DOCK1: variants seen among roughly 807,000 people sequenced by gnomAD.
DOCK1 encodes the protein dedicator of cytokinesis protein 1.
DOCK1 carries 138 observed loss-of-function variants against 262.7 expected under a neutral mutation model. The observed-to-expected ratio is 0.53, with a 90% confidence interval of 0.46 to 0.61. DOCK1 has a LOEUF of 0.61. DOCK1 is among the 20% of genes least tolerant of loss of function. The pLI is 0.00. For missense variants in DOCK1, 1,908 were observed against 2,370.7 expected (o/e 0.80, Z 4.05); for synonymous variants, 866 against 867.4 (o/e 1.00, Z 0.03).
At chr10:127,016,936 C>T (rs555629859) in intron 12 of DOCK1, among the ~76,000 whole-genome samples, 6,366 of 146,650 alleles carry the variant, frequency 0.043, 183 homozygotes, top group Middle Eastern at 0.079. Context: ...CACACACACA[C>T]ACACCACAGA....
At chr10:127,050,168 T>C (rs2044624146) in intron 21 of DOCK1, among the ~76,000 whole-genome samples, 1 of 151,696 alleles carries the variant, frequency 6.6e-6, no homozygotes, top group South Asian at 2.1e-4. Flanking sequence ...TTTGTAATTG[T>C]TTCTGTAGGA....
chr10:127,220,988 C>T (rs2058414709), intron 27 of DOCK1, among the ~76,000 whole-genome samples: 1 of 152,176 alleles, frequency 6.6e-6, no homozygotes, highest in South Asian at 2.1e-4. Flanking sequence ...ACTGTGCACT[C>T]ACCAGTTTAG....
At chr10:127,268,046 G>A (rs994740098) in intron 29 of DOCK1, among the ~76,000 whole-genome samples, 4 of 152,112 alleles carry the variant, frequency 2.6e-5, no homozygotes, top group Admixed American at 2.0e-4. Context: ...TCACAACTTG[G>A]GAAGAGAGGG....
At chr10:127,357,310 C>T (rs773028664) in intron 32 of DOCK1, among the ~76,000 whole-genome samples, 5 of 152,208 alleles carry the variant, frequency 3.3e-5, no homozygotes, top group Non-Finnish European at 5.9e-5. Context: ...AGATTGATCA[C>T]CACTGAAAGT....
intron 1 of DOCK1, among the ~76,000 whole-genome samples, chr10:126,934,462 A>G (rs1021037485): frequency 2.6e-5 from 4 of 152,218 alleles, no homozygotes; most frequent in African/African-American, 9.6e-5. Flanking sequence ...TCACTTTTTC[A>G]TAATCGTAAC....
intron 27 of DOCK1, among the ~76,000 whole-genome samples, chr10:127,197,525 AG>A (rs1440834816): frequency 6.6e-6 from 1 of 152,164 alleles, no homozygotes; most frequent in African/African-American, 2.4e-5. Context: ...ATTTGCTCCT[AG>A]AATGTAATGT....
At chr10:127,230,944 A>G (rs537583423) in intron 27 of DOCK1, among the ~76,000 whole-genome samples, 9 of 152,284 alleles carry the variant, frequency 5.9e-5, no homozygotes, top group African/African-American at 1.9e-4. Flanking sequence ...ATCCATGAAC[A>G]TAAGGTATCT....
At position 127,439,022 on chromosome 10, in the gene DOCK1, T is replaced by C. The variant is rs781413205; in HGVS notation, c.5061-5T>C. On this transcript the variant is annotated splice_polypyrimidine_tract_variant and splice_region_variant and intron_variant, in intron 48 of 51. Coordinates refer to ENST00000623213, the MANE Select transcript of DOCK1 (RefSeq NM_001290223.2). ...CTATTAAGACGTCATTGACCTTTCCTTTAGGTTTGCCCTGGAGCCTCTCCT... is the reference window on the plus strand; with the variant it reads ...CTATTAAGACGTCATTGACCTTTCCCTTAGGTTTGCCCTGGAGCCTCTCCT... 1.2e-4 allele frequency: 179 copies of C among 1,548,908 alleles called. No homozygotes were observed. Among genetic ancestry groups the C allele is most frequent in the Non-Finnish European group, 1.5e-4 (168 of 1,146,044 alleles).
chr10:127,382,244 C>T (rs1339448759), intron 37 of DOCK1, among the ~76,000 whole-genome samples: 1 of 152,180 alleles, frequency 6.6e-6, no homozygotes, highest in African/African-American at 2.4e-5. Context: ...GAGAAAATTA[C>T]ATTAAATGGG....
chr10:127,011,192 GTTGGAAACAAAAGAACAGCA>G (rs2041413399), intron 11 of DOCK1, among the ~76,000 whole-genome samples: 1 of 152,208 alleles, frequency 6.6e-6, no homozygotes, highest in African/African-American at 2.4e-5. Context: ...TATTTGAAGT[GTTGGAAACAAAAGAACAGCA>G]TGATTTTTAA....
At chr10:127,145,919 C>T (rs745729275) in intron 27 of DOCK1, 2 of 492,038 alleles carry the variant, frequency 4.1e-6, no homozygotes, top group Non-Finnish European at 8.1e-6. Context: ...TGCATTCCTG[C>T]AGGAGGTCCC....
intron 43 of DOCK1, among the ~76,000 whole-genome samples, chr10:127,414,075 C>A (rs1195000683): frequency 1.3e-5 from 2 of 152,100 alleles, no homozygotes; most frequent in African/African-American, 4.8e-5. Flanking sequence ...CCACATCTGG[C>A]TAATTTTTGT....
chr10:127,213,543 G>A (rs932820547), intron 27 of DOCK1, among the ~76,000 whole-genome samples: 1 of 152,228 alleles, frequency 6.6e-6, no homozygotes, highest in Non-Finnish European at 1.5e-5. Flanking sequence ...GTAACACCAA[G>A]ATGAACAGAA....
intron 27 of DOCK1, among the ~76,000 whole-genome samples, chr10:127,132,289 C>G (rs1452764058): frequency 6.6e-6 from 1 of 152,050 alleles, no homozygotes; most frequent in Admixed American, 6.6e-5. Context: ...TAATAATGTG[C>G]TATGATCCGA....
chr10:127,118,716 T>C (rs888629810), intron 25 of DOCK1, among the ~76,000 whole-genome samples: 3 of 152,202 alleles, frequency 2.0e-5, no homozygotes, highest in Non-Finnish European at 4.4e-5. Context: ...TTTCTAACAA[T>C]TTCAGCCCTC....
chr10:127,074,100 A>G (rs928583088), intron 23 of DOCK1, among the ~76,000 whole-genome samples: 2 of 152,358 alleles, frequency 1.3e-5, no homozygotes, highest in African/African-American at 4.8e-5. Flanking sequence ...TTAAAAAATC[A>G]TTAGCTCTGT....
intron 51 of DOCK1, among the ~76,000 whole-genome samples, chr10:127,448,225 C>T (rs2134846284): frequency 6.6e-6 from 1 of 152,340 alleles, no homozygotes; most frequent in South Asian, 2.1e-4. Flanking sequence ...CCTGCTGGAA[C>T]CCCTCTTCAG....
intron 30 of DOCK1, among the ~76,000 whole-genome samples, chr10:127,341,179 C>T (rs954329121): frequency 3.9e-5 from 6 of 152,062 alleles, no homozygotes; most frequent in African/African-American, 1.2e-4. Context: ...CACTTTTTCC[C>T]ACGTCATTTC....
chr10:127,403,319 C>T (rs114818503), intron 39 of DOCK1, among the ~76,000 whole-genome samples, 175 bp downstream of exon 39: 1 of 152,152 alleles, frequency 6.6e-6, no homozygotes, highest in Admixed American at 6.5e-5. Context: ...TGATATTTGG[C>T]CCATAAATAT....
Sources: gnomAD v4.1 joint callset for allele counts (sites outside exome capture counted in the v4.1 genomes callset) on GRCh38, gnomAD v4.1.1 for gene constraint, MANE v1.5 for transcripts, NCBI Gene and HGNC (gene_info 2026-07-23, HGNC 2026-07-21) for gene names.